RBPJ: variants seen among roughly 807,000 people sequenced by gnomAD.
RBPJ encodes the protein recombining binding protein suppressor of hairless.
A neutral mutation model predicts 67.8 loss-of-function variants in RBPJ; 9 were observed. The observed-to-expected ratio is 0.13, with a 90% confidence interval of 0.08 to 0.23. The LOEUF (loss-of-function observed/expected upper bound fraction) is 0.23. Ranked by LOEUF, RBPJ falls within the 10% of genes least tolerant of loss-of-function variation. RBPJ has a pLI of 1.00. For synonymous variants in RBPJ, 198 were observed against 203.3 expected, an observed-to-expected ratio of 0.97 and a Z score of 0.22; for missense variants, 305 against 595.6, an observed-to-expected ratio of 0.51 and a Z score of 5.08.
At chr4:26,171,321 G>A (rs28454290) in intron 1 of RBPJ, among the ~76,000 whole-genome samples, 1 of 152,166 alleles carries the variant, frequency 6.6e-6, no homozygotes, top group African/African-American at 2.4e-5. Flanking sequence ...TATACAAGGT[G>A]TCACTGTACA....
intron 1 of RBPJ, among the ~76,000 whole-genome samples, chr4:26,177,819 T>C (rs915727178): frequency 1.3e-5 from 2 of 152,230 alleles, no homozygotes; most frequent in East Asian, 3.9e-4. Context: ...AATGCCATCA[T>C]GCAGGGATAT....
intron 5 of RBPJ, 116 bp downstream of exon 5, chr4:26,420,841 G>A: frequency 2.5e-6 from 2 of 798,560 alleles, no homozygotes; most frequent in Non-Finnish European, 3.8e-6. Context: ...TAATATTTTT[G>A]TGGCCCTCTT....
At chr4:26,209,476 C>T (rs1416211917) in intron 1 of RBPJ, among the ~76,000 whole-genome samples, 2 of 151,184 alleles carry the variant, frequency 1.3e-5, no homozygotes, top group African/African-American at 2.4e-5. Flanking sequence ...ATTAATGAAG[C>T]TTAAAAAACA....
chr4:26,404,881 C>T (rs1733232751), intron 2 of RBPJ, among the ~76,000 whole-genome samples: 1 of 152,130 alleles, frequency 6.6e-6, no homozygotes, highest in Non-Finnish European at 1.5e-5. Flanking sequence ...AGAACTTTTC[C>T]CAGCATGTAG....
chr4:26,255,590 C>T (rs1720305674), intron 1 of RBPJ, among the ~76,000 whole-genome samples: 2 of 149,342 alleles, frequency 1.3e-5, no homozygotes, highest in East Asian at 4.0e-4. Context: ...ATCACGAGGT[C>T]GGGAGATCGA....
the RBPJ span, among the ~76,000 whole-genome samples, chr4:26,137,060 C>G: frequency 8.5e-5 from 13 of 152,176 alleles, no homozygotes; most frequent in African/African-American, 3.1e-4. Flanking sequence ...GAAGAAGTGC[C>G]CCTGCCTTCT....
chr4:26,108,817 C>G, the RBPJ span, among the ~76,000 whole-genome samples: 1 of 152,172 alleles, frequency 6.6e-6, no homozygotes, highest in Admixed American at 6.5e-5. Context: ...GTCCCCCACT[C>G]CACTGTTGAA....
chr4:26,284,103 G>C (rs1721378503), intron 1 of RBPJ, among the ~76,000 whole-genome samples: 1 of 152,136 alleles, frequency 6.6e-6, no homozygotes, highest in African/African-American at 2.4e-5. Context: ...CACCTCTCAA[G>C]TTGCAAAATT....
intron 1 of RBPJ, among the ~76,000 whole-genome samples, chr4:26,270,317 G>T (rs1210684649): frequency 9.4e-6 from 1 of 105,876 alleles, no homozygotes; most frequent in African/African-American, 3.8e-5. Context: ...GGGAGGAGGG[G>T]AGGGGAGGAG....
At chr4:26,327,265 C>T (rs1723727076) in intron 1 of RBPJ, among the ~76,000 whole-genome samples, 1 of 152,142 alleles carries the variant, frequency 6.6e-6, no homozygotes, top group South Asian at 2.1e-4. Context: ...GAAGGCGTCA[C>T]AGGCACTGTA....
intron 3 of RBPJ, among the ~76,000 whole-genome samples, chr4:26,409,035 C>T (rs1254023370): frequency 2.0e-5 from 3 of 152,150 alleles, no homozygotes; most frequent in Admixed American, 2.0e-4. Context: ...AGCTGCTTTT[C>T]TTTTCTCTGG....
intron 1 of RBPJ, among the ~76,000 whole-genome samples, chr4:26,279,462 G>A (rs888165350): frequency 2.0e-5 from 3 of 152,040 alleles, no homozygotes; most frequent in African/African-American, 7.2e-5. Context: ...TGTATTTTTA[G>A]AGACGGGCTT....
intron 2 of RBPJ, 21 bp downstream of exon 2, chr4:26,386,412 C>T: frequency 6.6e-7 from 1 of 1,522,924 alleles, no homozygotes; most frequent in South Asian, 1.2e-5. Context: ...TATTAGTCAG[C>T]TTTTTACACA....
intron 1 of RBPJ, among the ~76,000 whole-genome samples, chr4:26,324,633 G>T (rs918603560): frequency 2.6e-5 from 4 of 152,080 alleles, no homozygotes; most frequent in Admixed American, 1.3e-4. Flanking sequence ...GGGTTCAAGC[G>T]ATCCTCGTGC....
intron 3 of RBPJ, 41 bp from the exon 4 acceptor site, chr4:26,415,434 T>C: frequency 6.8e-7 from 1 of 1,460,332 alleles, no homozygotes; most frequent in Non-Finnish European, 9.3e-7. Context: ...ATCTAATTGA[T>C]TTTTGCTTCT....
At chr4:26,255,759 G>T (rs1445979710) in intron 1 of RBPJ, among the ~76,000 whole-genome samples, 1 of 147,004 alleles carries the variant, frequency 6.8e-6, no homozygotes, top group Non-Finnish European at 1.5e-5. Flanking sequence ...CCGAGATCGT[G>T]CCACTGCACT....
chr4:26,181,534 G>T (rs1716994254), intron 1 of RBPJ, among the ~76,000 whole-genome samples: 1 of 152,076 alleles, frequency 6.6e-6, no homozygotes, highest in South Asian at 2.1e-4. Context: ...CTTAATGATG[G>T]GGATATGTTC....
At chr4:26,358,058 A>T (rs1246900049) in intron 1 of RBPJ, among the ~76,000 whole-genome samples, 1 of 100,944 alleles carries the variant, frequency 9.9e-6, no homozygotes, top group Non-Finnish European at 2.2e-5. Flanking sequence ...TGTGTATTTA[A>T]TGATCAGAGA....
chr4:26,270,417 G>GAAAGAAAGAAAGA (rs1720865829), intron 1 of RBPJ, among the ~76,000 whole-genome samples: 1 of 54,562 alleles, frequency 1.8e-5, no homozygotes, highest in South Asian at 6.2e-4. Flanking sequence ...AAGAAAGAAA[G>GAAAGAAAGAAAGA]AAAGAAAGAA....
Sources: allele counts gnomAD v4.1 joint callset (sites outside exome capture counted in the v4.1 genomes callset), GRCh38; gene constraint gnomAD v4.1.1; transcripts MANE v1.5; gene names NCBI Gene and HGNC (gene_info 2026-07-23, HGNC 2026-07-21).